The following MTHFD1L variants were observed in gnomAD, a reference collection of about 807,000 sequenced individuals.
MTHFD1L encodes methylenetetrahydrofolate dehydrogenase (NADP+ dependent) 1 like.
A neutral mutation model predicts 119.5 loss-of-function variants in MTHFD1L; 81 were observed. The observed-to-expected ratio is 0.68, with a 90% confidence interval of 0.57 to 0.82. The LOEUF (loss-of-function observed/expected upper bound fraction) is 0.82. MTHFD1L is among the 40% of genes least tolerant of loss of function. The pLI, the probability that MTHFD1L is intolerant of heterozygous loss-of-function variation, is 0.00. For missense variants in MTHFD1L, 1,125 were observed against 1,253.4 expected (o/e 0.90, Z 1.55); for synonymous variants, 430 against 475.2 (o/e 0.90, Z 1.24).
At chr6:151,077,573 C>G (rs1015682525) in intron 26 of MTHFD1L, among the ~76,000 whole-genome samples, 2 of 152,058 alleles carry the variant, frequency 1.3e-5, no homozygotes, top group African/African-American at 4.8e-5. Flanking sequence ...CCTAGCTACT[C>G]GGGAAGCTGA....
chr6:150,964,700 C>T (rs905158371), intron 18 of MTHFD1L, among the ~76,000 whole-genome samples: 1 of 152,198 alleles, frequency 6.6e-6, no homozygotes, highest in Non-Finnish European at 1.5e-5. Flanking sequence ...TGGAAAATCT[C>T]ATAAACACCA....
chr6:150,914,039 A>G (rs1787425987), intron 8 of MTHFD1L, among the ~76,000 whole-genome samples: 1 of 152,222 alleles, frequency 6.6e-6, no homozygotes, highest in Non-Finnish European at 1.5e-5. Flanking sequence ...CAGAGGCAGA[A>G]GAGTCCCTTG....
intron 8 of MTHFD1L, among the ~76,000 whole-genome samples, chr6:150,910,073 T>G (rs899886183): frequency 2.7e-5 from 4 of 150,200 alleles, no homozygotes; most frequent in Non-Finnish European, 5.9e-5. Flanking sequence ...CCCAGCTACT[T>G]GGGAGGCTGG....
rs562356073 is a variant in MTHFD1L, at chr6:150,873,777, C to G, written c.228-2313C>G. ...CTGCCTCCTGGGTTCAAGTGATTCT[C>G]CTGCCTCAGCCTCCTGAGTAGCTCT... is the stretch of plus-strand genomic sequence containing the variant. On this transcript the variant is annotated intron_variant, in intron 1 of 27. Coordinates refer to ENST00000367321, the MANE Select transcript of MTHFD1L (RefSeq NM_015440.5). Among the ~76,000 whole-genome samples, 6 of 152,218 alleles carry G rather than the reference C, an allele frequency of 3.9e-5. No individual in the cohort carries two copies. In the South Asian group the frequency reaches 1.2e-3, roughly 32 times the overall value.
At position 151,015,466 on chromosome 6, in the gene MTHFD1L, A is replaced by G. The variant is rs1782915463; in HGVS notation, c.2409-50A>G. The G allele has an allele frequency of 2.6e-6, 4 of 1,553,732 alleles. No individual in the cohort carries two copies. In the African/African-American group the frequency reaches 4.1e-5, roughly 16 times the overall value. ...ATAAATGGTGAGTCTTTCTTTGAAA[A>G]CATAGCTAAATGGATACAGATGCAA... is the stretch of plus-strand genomic sequence containing the variant. On this transcript the variant is annotated intron_variant, in intron 23 of 27. Transcript: ENST00000367321.
In MTHFD1L at chr6:150,935,242, C is replaced by T. The variant is rs535221516; in HGVS notation, c.1257-1562C>T. On this transcript the variant is annotated intron_variant, in intron 11 of 27. Transcript: ENST00000367321. ...CACTGTGGAAGTCATATACCAGATGCACAGATGGCATTGTATTTGTTGTGG... is the reference window on the plus strand; with the variant it reads ...CACTGTGGAAGTCATATACCAGATGTACAGATGGCATTGTATTTGTTGTGG... 1.7e-5 allele frequency: 27 copies of T among 1,611,884 alleles called. No individual in the cohort carries two copies. In the African/African-American group the frequency reaches 3.3e-4, roughly 20 times the overall value.
At chr6:150,957,618 A>C (rs996459090) in intron 17 of MTHFD1L, among the ~76,000 whole-genome samples, 1 of 152,208 alleles carries the variant, frequency 6.6e-6, no homozygotes, top group Non-Finnish European at 1.5e-5. Context: ...CCAAATGTCC[A>C]ACAGTAGAGA....
At position 150,882,449 on chromosome 6, in the gene MTHFD1L, C is replaced by T. The variant is rs543476482; in HGVS notation, c.418-313C>T. The stretch of plus-strand genomic sequence containing the variant: ...AGAAGTGTCCTTTGTCTATCTAAAC[C>T]TTAATAGCTGTTGAGCTTTGGTTTT... On this transcript the variant is annotated intron_variant, in intron 4 of 27. Transcript: ENST00000367321. Among the ~76,000 whole-genome samples the T allele has an allele frequency of 1.2e-4, 19 of 152,286 alleles. No homozygotes were observed. The South Asian group carries it at 3.9e-3, about 32-fold the overall frequency.
chr6:151,053,967 G>T (rs1048444954), intron 26 of MTHFD1L, among the ~76,000 whole-genome samples: 1 of 152,022 alleles, frequency 6.6e-6, no homozygotes, highest in Non-Finnish European at 1.5e-5. Context: ...GAATCTGGAG[G>T]TTATTTTAAT....
chr6:150,932,161 CAAAAAAA>C (rs5880902), intron 11 of MTHFD1L, among the ~76,000 whole-genome samples: 5 of 39,474 alleles, frequency 1.3e-4, no homozygotes, highest in African/African-American at 4.2e-4. Context: ...GACTCCATCT[CAAAAAAA>C]AAAAAAAAAA....
At chr6:150,993,696 G>A (rs186146233) in intron 20 of MTHFD1L, among the ~76,000 whole-genome samples, 21 of 152,170 alleles carry the variant, frequency 1.4e-4, no homozygotes, top group African/African-American at 3.6e-4. Context: ...CCAAAGTGCC[G>A]TAAGTACCGA....
intron 25 of MTHFD1L, among the ~76,000 whole-genome samples, chr6:151,034,989 T>G (rs572405269): frequency 1.4e-4 from 22 of 152,276 alleles, no homozygotes; most frequent in African/African-American, 4.8e-4. Context: ...TCTTACTTAC[T>G]ACCTTAAAAA....
chr6:151,050,588 T>G (rs1788862873), intron 26 of MTHFD1L, among the ~76,000 whole-genome samples: 1 of 152,150 alleles, frequency 6.6e-6, no homozygotes, highest in Non-Finnish European at 1.5e-5. Flanking sequence ...AACCAGTTGG[T>G]CAGAAGTTCC....
At chr6:150,921,358 A>T (rs995154840) in intron 9 of MTHFD1L, among the ~76,000 whole-genome samples, 2 of 151,942 alleles carry the variant, frequency 1.3e-5, no homozygotes, top group African/African-American at 4.8e-5. Flanking sequence ...ACCTCAGTTG[A>T]TCCCGCCTAC....
intron 20 of MTHFD1L, among the ~76,000 whole-genome samples, chr6:150,981,164 C>T (rs1273716275): frequency 6.6e-6 from 1 of 152,104 alleles, no homozygotes; most frequent in Non-Finnish European, 1.5e-5. Context: ...TTGTCAGGCA[C>T]CAGACAACTT....
chr6:151,061,676 A>G (rs1790655802), intron 26 of MTHFD1L, among the ~76,000 whole-genome samples: 1 of 152,214 alleles, frequency 6.6e-6, no homozygotes, highest in African/African-American at 2.4e-5. Context: ...TTCACTGGAG[A>G]CATCTGTGCT....
intron 24 of MTHFD1L, among the ~76,000 whole-genome samples, chr6:151,026,414 G>A (rs768216487): frequency 6.6e-5 from 10 of 152,188 alleles, no homozygotes; most frequent in Admixed American, 1.3e-4. Context: ...TCAGTTTCTG[G>A]ATTGTTCCAG....
At chr6:150,968,336 AATGTTTATTATTTTTACTAC>A (rs1450664444) in intron 19 of MTHFD1L, among the ~76,000 whole-genome samples, 1 of 152,138 alleles carries the variant, frequency 6.6e-6, no homozygotes, top group African/African-American at 2.4e-5. Flanking sequence ...TAATTAAGTG[AATGTTTATTATTTTTACTAC>A]ATTCTCCTAA....
At chr6:151,091,199 A>T (rs1794399617) in intron 26 of MTHFD1L, among the ~76,000 whole-genome samples, 1 of 150,584 alleles carries the variant, frequency 6.6e-6, no homozygotes, top group Admixed American at 6.6e-5. Context: ...GCATCGTTCC[A>T]TGCGACTGGG....
Sources: gnomAD v4.1 joint callset for allele counts (sites outside exome capture counted in the v4.1 genomes callset) on GRCh38, gnomAD v4.1.1 for gene constraint, MANE v1.5 for transcripts, NCBI Gene and HGNC (gene_info 2026-07-23, HGNC 2026-07-21) for gene names.